FNIP1: variants seen among roughly 807,000 people sequenced by gnomAD.
FNIP1 encodes the protein folliculin-interacting protein 1.
Under a neutral mutation model 124.5 loss-of-function variants are expected in FNIP1, and 40 were observed. The ratio of observed to expected loss-of-function variants is 0.32; its 90% CI spans 0.25 to 0.42. The LOEUF (loss-of-function observed/expected upper bound fraction) is 0.42, where lower values mean the gene tolerates loss of function less well. Ranked by LOEUF, FNIP1 falls within the 10% of genes least tolerant of loss-of-function variation. The pLI is 1.00. For synonymous variants in FNIP1, 472 were observed against 470.6 expected, an observed-to-expected ratio of 1.00 and a Z score of -0.04; for missense variants, 1,176 against 1,403.7, an observed-to-expected ratio of 0.84 and a Z score of 2.59.
At chr5:131,758,113 CA>C (rs1771110105) in intron 1 of FNIP1, among the ~76,000 whole-genome samples, 1 of 152,122 alleles carries the variant, frequency 6.6e-6, no homozygotes, top group African/African-American at 2.4e-5. Flanking sequence ...AGTTGCCTGA[CA>C]AATTAATTGC....
chr5:131,704,683 C>T (rs956315770), intron 9 of FNIP1, among the ~76,000 whole-genome samples: 1 of 152,098 alleles, frequency 6.6e-6, no homozygotes, highest in Non-Finnish European at 1.5e-5. Flanking sequence ...GAGGAGAAAA[C>T]AAGAACTTTT....
intron 15 of FNIP1, among the ~76,000 whole-genome samples, chr5:131,661,415 T>C (rs1193534223): frequency 1.3e-5 from 2 of 152,118 alleles, no homozygotes; most frequent in African/African-American, 2.4e-5. Flanking sequence ...CATCACCCAG[T>C]GAATTCCCAG....
intron 11 of FNIP1, among the ~76,000 whole-genome samples, chr5:131,680,870 T>C (rs1161075541): frequency 2.0e-5 from 3 of 152,314 alleles, no homozygotes; most frequent in East Asian, 1.9e-4. Flanking sequence ...GGAATTGTGA[T>C]TGAAGTAGCA....
chr5:131,794,743 A>T (rs1772522454), intron 1 of FNIP1, among the ~76,000 whole-genome samples: 1 of 152,202 alleles, frequency 6.6e-6, no homozygotes, highest in Admixed American at 6.5e-5. Context: ...CAGTGTATTA[A>T]GCGTGGTCAC....
At chr5:131,745,452 C>T (rs1197447853) in intron 1 of FNIP1, among the ~76,000 whole-genome samples, 2 of 151,898 alleles carry the variant, frequency 1.3e-5, no homozygotes, top group African/African-American at 2.4e-5. Context: ...CCTGGAAGGT[C>T]GGGGCTATAG....
At chr5:131,648,017 T>A (rs1455402633) in intron 16 of FNIP1, among the ~76,000 whole-genome samples, 1 of 151,806 alleles carries the variant, frequency 6.6e-6, no homozygotes, top group Non-Finnish European at 1.5e-5. Context: ...GTTCCCCAAT[T>A]TCTAAGCTGA....
intron 2 of FNIP1, among the ~76,000 whole-genome samples, chr5:131,739,757 G>A (rs1580800587): frequency 6.9e-6 from 1 of 145,180 alleles, no homozygotes; most frequent in Middle Eastern, 3.6e-3. Context: ...AGCTTGTAGT[G>A]AGCTGAGATT....
intron 1 of FNIP1, among the ~76,000 whole-genome samples, chr5:131,747,088 CTGTT>C (rs1182678046): frequency 1.3e-5 from 2 of 152,088 alleles, no homozygotes; most frequent in Non-Finnish European, 2.9e-5. Flanking sequence ...TGAGAACTGT[CTGTT>C]CATATATTTT....
chr5:131,748,779 A>C (rs760723293), intron 1 of FNIP1, among the ~76,000 whole-genome samples: 2 of 151,898 alleles, frequency 1.3e-5, no homozygotes, highest in Non-Finnish European at 2.9e-5. Context: ...TTTAAAGTGT[A>C]CCCCTACTTA....
At chr5:131,796,779 C>G in intron 1 of FNIP1, 51 bp downstream of exon 1, 1 of 1,514,652 alleles carries the variant, frequency 6.6e-7, no homozygotes, top group Non-Finnish European at 8.9e-7. Flanking sequence ...CCCTGGAGCC[C>G]GGAGCCCACA....
chr5:131,740,407 T>A (rs1233132969), intron 2 of FNIP1, among the ~76,000 whole-genome samples: 2 of 152,254 alleles, frequency 1.3e-5, no homozygotes, highest in African/African-American at 4.8e-5. Context: ...TGTCTTAAAA[T>A]CTGTAATCAT....
Position 131,709,275 on chromosome 5 carries a change from A to G in FNIP1, c.707-3T>C, listed in dbSNP as rs200695465. On this transcript the variant is annotated splice_polypyrimidine_tract_variant and splice_region_variant and intron_variant, in intron 7 of 17. Transcript: ENST00000510461. ...CATGTCCATTGGGTTGCTGTGAACT[A>G]TAAATAAAGATGAAACTGTCAGTTA... is the stretch of plus-strand genomic sequence containing the variant. 6.2e-7 allele frequency: 1 copy of G among 1,612,772 alleles called. No individual in the cohort carries two copies. Among genetic ancestry groups the G allele is most frequent in the African/African-American group, 1.3e-5 (1 of 75,024 alleles).
At chr5:131,783,561 C>G (rs1332916594) in intron 1 of FNIP1, among the ~76,000 whole-genome samples, 1 of 151,786 alleles carries the variant, frequency 6.6e-6, no homozygotes, top group Non-Finnish European at 1.5e-5. Flanking sequence ...TAAGAAAATT[C>G]CTTAGAACTA....
intron 13 of FNIP1, among the ~76,000 whole-genome samples, chr5:131,677,051 A>G (rs1034129515): frequency 5.3e-5 from 8 of 152,202 alleles, no homozygotes; most frequent in African/African-American, 1.9e-4. Flanking sequence ...AGTCTCAACC[A>G]TTTTACATGT....
In FNIP1 at chr5:131,662,453, C is replaced by G. The variant is rs138975605; in HGVS notation, c.3108+8010G>C. ...ATGACATGGTTAGTCTTAGAAAATT[C>G]TCTTGAGCAGTTGAAGTCCTTTGCA... On this transcript the variant is annotated intron_variant, in intron 15 of 17. Transcript: ENST00000510461. Among the ~76,000 whole-genome samples the G allele has an allele frequency of 3.2e-3, 483 of 152,226 alleles. 3 individuals are homozygous for G. The highest frequency in any genetic ancestry group is 0.011 in the African/African-American group (460 of 41,534).
chr5:131,688,084 A>G (rs1768343868), intron 11 of FNIP1, among the ~76,000 whole-genome samples: 1 of 151,656 alleles, frequency 6.6e-6, no homozygotes. Context: ...CAAAGGTCAC[A>G]TCCCAGAAAT....
At chr5:131,763,667 A>C (rs1028948345) in intron 1 of FNIP1, among the ~76,000 whole-genome samples, 33 of 152,282 alleles carry the variant, frequency 2.2e-4, no homozygotes, top group Non-Finnish European at 3.5e-4. Flanking sequence ...TCCAACACTG[A>C]GGATTACAAT....
At chr5:131,782,093 G>C (rs940344756) in intron 1 of FNIP1, among the ~76,000 whole-genome samples, 8 of 151,920 alleles carry the variant, frequency 5.3e-5, no homozygotes, top group Non-Finnish European at 1.2e-4. Context: ...GTTCAAGGCT[G>C]CAATAAGCTA....
chr5:131,730,790 A>T, intron 3 of FNIP1, 114 bp downstream of exon 3: 1 of 743,808 alleles, frequency 1.3e-6, no homozygotes, highest in Non-Finnish European at 2.1e-6. Flanking sequence ...TCCAGCTTCA[A>T]TGCAAGCTCT....
Sources: gnomAD v4.1 joint callset for allele counts (sites outside exome capture counted in the v4.1 genomes callset) on GRCh38, gnomAD v4.1.1 for gene constraint, MANE v1.5 for transcripts, NCBI Gene and HGNC (gene_info 2026-07-23, HGNC 2026-07-21) for gene names.